SUGCT: variants seen among roughly 807,000 people sequenced by gnomAD.
The protein encoded by SUGCT is succinyl-CoA:glutarate CoA-transferase.
Under a neutral mutation model 55.0 loss-of-function variants are expected in SUGCT, and 41 were observed. The ratio of observed to expected loss-of-function variants is 0.74; its 90% CI spans 0.58 to 0.97. The LOEUF (loss-of-function observed/expected upper bound fraction) is 0.97. Ranked by LOEUF, SUGCT falls within the 50% of genes least tolerant of loss-of-function variation. The pLI, the probability that SUGCT is intolerant of heterozygous loss-of-function variation, is 0.00. For missense variants in SUGCT, 568 were observed against 547.8 expected, an observed-to-expected ratio of 1.04 and a Z score of -0.37; for synonymous variants, 187 against 200.4, an observed-to-expected ratio of 0.93 and a Z score of 0.56.
At chr7:40,735,641 T>A (rs1464600846) in intron 12 of SUGCT, among the ~76,000 whole-genome samples, 1 of 151,948 alleles carries the variant, frequency 6.6e-6, no homozygotes, top group East Asian at 1.9e-4. Flanking sequence ...AATAGAAACT[T>A]CAAAATAAAG....
rs532715620 is a variant in SUGCT at position 40,596,867 on chromosome 7, A to G, written c.1089+100481A>G. Among the ~76,000 whole-genome samples the G allele has an allele frequency of 1.1e-4, 17 of 152,294 alleles. 2 individuals are homozygous for G. In the South Asian group the frequency reaches 3.5e-3, roughly 32 times the overall value. ...TGCACATTTATTCCTGTATTAACAC[A>G]ATCTATTATTTAGAATCAAGTGATT... is the stretch of plus-strand genomic sequence containing the variant. On this transcript the variant is annotated intron_variant, in intron 12 of 13. Transcript: ENST00000335693.
intron 12 of SUGCT, among the ~76,000 whole-genome samples, chr7:40,724,278 G>T (rs1472040354): frequency 6.6e-6 from 1 of 152,182 alleles, no homozygotes; most frequent in African/African-American, 2.4e-5. Context: ...TGTCTATGTG[G>T]CATTCTTGGT....
intron 13 of SUGCT, among the ~76,000 whole-genome samples, chr7:40,777,589 G>C (rs572023264): frequency 6.6e-6 from 1 of 152,216 alleles, no homozygotes; most frequent in African/African-American, 2.4e-5. Context: ...CATGAACCAG[G>C]AGCTACACTA....
chr7:40,203,849 T>G (rs890365126), intron 6 of SUGCT, among the ~76,000 whole-genome samples: 2 of 152,146 alleles, frequency 1.3e-5, no homozygotes, highest in Non-Finnish European at 2.9e-5. Context: ...GTTGTAGATT[T>G]TCAACTATTT....
chr7:40,755,543 T>C (rs1477675936), intron 13 of SUGCT, among the ~76,000 whole-genome samples: 3 of 152,196 alleles, frequency 2.0e-5, no homozygotes, highest in Non-Finnish European at 4.4e-5. Flanking sequence ...TATTTGCATC[T>C]TCTTGCAATC....
At chr7:40,608,064 C>T (rs1024507193) in intron 12 of SUGCT, among the ~76,000 whole-genome samples, 4 of 152,202 alleles carry the variant, frequency 2.6e-5, no homozygotes, top group African/African-American at 9.6e-5. Flanking sequence ...CCTGAAACGT[C>T]TTCCTAATTT....
chr7:40,192,845 C>A (rs751311582), intron 5 of SUGCT, among the ~76,000 whole-genome samples: 10 of 151,182 alleles, frequency 6.6e-5, no homozygotes, highest in Admixed American at 1.3e-4. Context: ...GTAGGTCAGG[C>A]TGGTCCTGAA....
intron 9 of SUGCT, among the ~76,000 whole-genome samples, chr7:40,407,430 TTGA>T (rs1173217253): frequency 2.6e-5 from 4 of 151,876 alleles, no homozygotes; most frequent in African/African-American, 9.7e-5. Flanking sequence ...ATCTTTAAAG[TTGA>T]TGAAAATATA....
chr7:40,741,279 A>G (rs928513507), intron 12 of SUGCT, among the ~76,000 whole-genome samples: 4 of 152,056 alleles, frequency 2.6e-5, no homozygotes, highest in Non-Finnish European at 5.9e-5. Context: ...CTCAAAAAAA[A>G]AAAGAAAGAA....
At chr7:40,382,499 G>A (rs1035346634) in intron 9 of SUGCT, among the ~76,000 whole-genome samples, 2 of 152,116 alleles carry the variant, frequency 1.3e-5, no homozygotes, top group East Asian at 1.9e-4. Context: ...GAAATACTCT[G>A]CAAGGGCACA....
chr7:40,602,592 C>T (rs1245618754), intron 12 of SUGCT, among the ~76,000 whole-genome samples: 1 of 152,158 alleles, frequency 6.6e-6, no homozygotes, highest in Non-Finnish European at 1.5e-5. Flanking sequence ...GTCAGTTTGC[C>T]AACATCCTGC....
the SUGCT span, among the ~76,000 whole-genome samples, chr7:40,982,036 C>T: frequency 1.3e-5 from 2 of 152,152 alleles, no homozygotes; most frequent in Admixed American, 1.3e-4. Flanking sequence ...ATGTCATATC[C>T]AAGATTCTCA....
the SUGCT span, among the ~76,000 whole-genome samples, chr7:40,902,580 A>AG: frequency 9.9e-3 from 2 of 202 alleles, no homozygotes; most frequent in African/African-American, 0.018. Flanking sequence ...ACTCCATCTC[A>AG]AAAAAAAAAA....
chr7:40,317,657 T>C (rs1373856600), intron 9 of SUGCT, among the ~76,000 whole-genome samples: 1 of 152,216 alleles, frequency 6.6e-6, no homozygotes, highest in Non-Finnish European at 1.5e-5. Context: ...CATTTCAATG[T>C]TAGTGCTCTT....
chr7:40,498,793 A>C (rs1792123389), intron 12 of SUGCT, among the ~76,000 whole-genome samples: 1 of 152,138 alleles, frequency 6.6e-6, no homozygotes, highest in Non-Finnish European at 1.5e-5. Flanking sequence ...ATTCTTGTTT[A>C]ACTTCTTTTA....
At chr7:40,723,451 G>A (rs940069407) in intron 12 of SUGCT, among the ~76,000 whole-genome samples, 2 of 151,588 alleles carry the variant, frequency 1.3e-5, no homozygotes, top group South Asian at 2.1e-4. Flanking sequence ...TCTTTTTTGC[G>A]TCTATTTCCA....
At chr7:40,788,159 C>T (rs927326160) in intron 13 of SUGCT, among the ~76,000 whole-genome samples, 6 of 152,150 alleles carry the variant, frequency 3.9e-5, no homozygotes, top group Admixed American at 6.5e-5. Flanking sequence ...GTCATTCTCC[C>T]TGCAGCAGGG....
chr7:40,260,183 T>C (rs1364654942), intron 7 of SUGCT, among the ~76,000 whole-genome samples: 1 of 152,214 alleles, frequency 6.6e-6, no homozygotes, highest in Admixed American at 6.5e-5. Context: ...TTCTTAACTC[T>C]ATTAGATTTG....
At chr7:40,241,560 G>A (rs1487718771) in intron 7 of SUGCT, among the ~76,000 whole-genome samples, 1 of 145,712 alleles carries the variant, frequency 6.9e-6, no homozygotes, top group Non-Finnish European at 1.5e-5. Context: ...GCCTGGGTGT[G>A]AAAGAGAGAC....
Sources: allele counts gnomAD v4.1 joint callset (sites outside exome capture counted in the v4.1 genomes callset), GRCh38; gene constraint gnomAD v4.1.1; transcripts MANE v1.5; gene names NCBI Gene and HGNC (gene_info 2026-07-23, HGNC 2026-07-21).